Variants in PRKCQ observed in about 807,000 individuals in gnomAD.
The protein encoded by PRKCQ is protein kinase C theta type.
PRKCQ carries 41 observed loss-of-function variants against 91.2 expected under a neutral mutation model. That is an observed-to-expected ratio of 0.45 (90% CI 0.35 to 0.58). PRKCQ has a LOEUF of 0.58. Among genes scored for constraint, PRKCQ ranks in the 20% least tolerant of loss-of-function variants. The probability of loss-of-function intolerance (pLI) is 0.00; values close to 1 mark genes in which losing one functional copy is unlikely to be tolerated. For missense variants in PRKCQ, 673 were observed against 896.5 expected (o/e 0.75, Z 3.18); for synonymous variants, 307 against 316.9 (o/e 0.97, Z 0.33).
intron 1 of PRKCQ, among the ~76,000 whole-genome samples, chr10:6,555,358 T>C (rs906504798): frequency 6.6e-6 from 1 of 152,218 alleles, no homozygotes; most frequent in African/African-American, 2.4e-5. Flanking sequence ...AGACTGGTTA[T>C]TTGTATACAT....
chr10:6,519,099 G>A (rs80183030), intron 1 of PRKCQ, among the ~76,000 whole-genome samples: 3,495 of 152,288 alleles, frequency 0.023, 125 homozygotes, highest in African/African-American at 0.08. Context: ...AAGAAGATGT[G>A]TAATGAATAC....
At position 6,456,741 on chromosome 10, in the gene PRKCQ, T is replaced by G; in HGVS notation, c.1580A>C (p.Lys527Thr). The change falls in exon 15 of 18, where the codon AAG becomes ACG. Residue 527 changes from lysine to threonine, a missense_variant. Transcript: ENST00000263125. Reference protein sequence around the residue: ...HIKIADFGMCKENMLGDAKTN... With the variant: ...HIKIADFGMCTENMLGDAKTN... ...CTTGGCATCTCCTAACATGTTCTCCTTGCACATTCCAAAATCCGCGATCTT... is the reference window on the plus strand; with the variant it reads ...CTTGGCATCTCCTAACATGTTCTCCGTGCACATTCCAAAATCCGCGATCTT... 6.2e-7 allele frequency: 1 copy of G among 1,614,194 alleles called. No homozygotes were observed. Among genetic ancestry groups the G allele is most frequent in the Non-Finnish European group, 8.5e-7 (1 of 1,180,018 alleles).
chr10:6,547,971 G>T (rs1280425896), intron 1 of PRKCQ, among the ~76,000 whole-genome samples: 1 of 149,620 alleles, frequency 6.7e-6, no homozygotes, highest in Non-Finnish European at 1.5e-5. Context: ...GAAAATTTTC[G>T]CAACCTACTC....
At chr10:6,463,257 T>C (rs753673184) in intron 13 of PRKCQ, among the ~76,000 whole-genome samples, 3 of 152,176 alleles carry the variant, frequency 2.0e-5, no homozygotes, top group Non-Finnish European at 4.4e-5. Flanking sequence ...GTTTACCCCA[T>C]CACTGGTGGG....
At chr10:6,422,203 A>G (rs1042382354), downstream of PRKCQ, among the ~76,000 whole-genome samples, 1 of 152,240 alleles carries the variant, frequency 6.6e-6, no homozygotes, top group Non-Finnish European at 1.5e-5. Flanking sequence ...TACCTATTCC[A>G]CATTAGGTAC....
chr10:6,444,992 C>T (rs552826014), intron 15 of PRKCQ, among the ~76,000 whole-genome samples: 98 of 151,924 alleles, frequency 6.5e-4, no homozygotes, highest in South Asian at 1.9e-3. Flanking sequence ...GGTGTGGTGG[C>T]GCACGCCTGT....
intron 1 of PRKCQ, among the ~76,000 whole-genome samples, chr10:6,516,632 T>C (rs1838770489): frequency 6.6e-6 from 1 of 152,178 alleles, no homozygotes; most frequent in Non-Finnish European, 1.5e-5. Context: ...CTAAGAATCA[T>C]CTTCAGTTAC....
In PRKCQ at chr10:6,440,650, C is replaced by T. The variant is rs1186460809; in HGVS notation, c.1836+1243G>A. Among the ~76,000 whole-genome samples, 3 of 152,058 alleles carry T rather than the reference C, an allele frequency of 2.0e-5. No individual in the cohort carries two copies. The East Asian group carries it at 5.8e-4, about 29-fold the overall frequency. On this transcript the variant is annotated intron_variant, in intron 16 of 17. Coordinates refer to ENST00000263125, the MANE Select transcript of PRKCQ (RefSeq NM_006257.5). ...AGTGAGCAGCTGCCAATCACGAGCTCTGAGCAGAGGAAAGGAAGCAGGAGT... is the reference window on the plus strand; with the variant it reads ...AGTGAGCAGCTGCCAATCACGAGCTTTGAGCAGAGGAAAGGAAGCAGGAGT...
chr10:6,505,542 TTTC>T (rs1183556590), intron 4 of PRKCQ, among the ~76,000 whole-genome samples: 2 of 147,166 alleles, frequency 1.4e-5, no homozygotes, highest in Non-Finnish European at 3.0e-5. Flanking sequence ...TTTTCTTTCT[TTTC>T]TTCTTTCTTT....
chr10:6,576,336 G>A lies in PRKCQ; in HGVS notation c.-10+3875C>T, dbSNP rs1048557289. Among the ~76,000 whole-genome samples, 2 of 152,196 alleles carry A rather than the reference G, an allele frequency of 1.3e-5. No homozygotes were observed. Among genetic ancestry groups the A allele is most frequent in the Admixed American group, 1.3e-4 (2 of 15,280 alleles). On this transcript the variant is annotated intron_variant, in intron 1 of 17. Coordinates refer to ENST00000263125, the MANE Select transcript of PRKCQ (RefSeq NM_006257.5). This position sits in a 1 kb window ranked among gnomAD's most constrained non-coding sequence, Gnocchi z 4.2. ...CAGATACAAGGATAAGCAAAATGTGGTATATCCATAAATGGAATAGTATTC... is the reference window on the plus strand; with the variant it reads ...CAGATACAAGGATAAGCAAAATGTGATATATCCATAAATGGAATAGTATTC...
At chr10:6,418,394 G>T in the PRKCQ span, among the ~76,000 whole-genome samples, 1 of 152,142 alleles carries the variant, frequency 6.6e-6, no homozygotes, top group Non-Finnish European at 1.5e-5. Flanking sequence ...AGTCTGGGCC[G>T]GCTCTGACGT....
chr10:6,426,660 T>C (rs4750438), downstream of PRKCQ, among the ~76,000 whole-genome samples: 59,719 of 152,128 alleles, frequency 0.39, 13,722 homozygotes, highest in East Asian at 0.76. Flanking sequence ...CAGGAAAATG[T>C]TCCAGCACAC....
chr10:6,462,479 C>T (rs1835405535), intron 13 of PRKCQ, 114 bp from the exon 14 acceptor site: 3 of 833,344 alleles, frequency 3.6e-6, no homozygotes, highest in Admixed American at 4.5e-5. Context: ...GGCATACACA[C>T]ATAACTCTGT....
At chr10:6,460,246 G>A (rs763288046) in intron 14 of PRKCQ, among the ~76,000 whole-genome samples, 15 of 150,822 alleles carry the variant, frequency 9.9e-5, no homozygotes, top group Non-Finnish European at 1.9e-4. Flanking sequence ...GGTAAGACTC[G>A]AAAATGGGTA....
intron 15 of PRKCQ, among the ~76,000 whole-genome samples, chr10:6,447,138 G>A (rs1394689816): frequency 6.6e-6 from 1 of 152,198 alleles, no homozygotes; most frequent in Non-Finnish European, 1.5e-5. Context: ...GCTGGGCGCA[G>A]TGGCTCACAC....
chr10:6,555,963 C>T lies in PRKCQ; in HGVS notation c.-10+24248G>A, dbSNP rs147146496. On this transcript the variant is annotated intron_variant, in intron 1 of 17. Coordinates refer to ENST00000263125, the MANE Select transcript of PRKCQ (RefSeq NM_006257.5). ...GGCAGAGGTTGCAGTGAGCTGAGATCGTGCCACTGCACTGAAGCCTGGGTA... is the reference window on the plus strand; with the variant it reads ...GGCAGAGGTTGCAGTGAGCTGAGATTGTGCCACTGCACTGAAGCCTGGGTA... Among the ~76,000 whole-genome samples the T allele has an allele frequency of 4.0e-3, 616 of 152,222 alleles. 1 individual carries two copies. Among genetic ancestry groups the T allele is most frequent in the Non-Finnish European group, 6.8e-3 (463 of 68,022 alleles).
chr10:6,559,105 T>C (rs1379079654), intron 1 of PRKCQ, among the ~76,000 whole-genome samples: 1 of 152,136 alleles, frequency 6.6e-6, no homozygotes, highest in Non-Finnish European at 1.5e-5. Flanking sequence ...CAATAAAAAG[T>C]TAAGGTTTAA....
intron 1 of PRKCQ, among the ~76,000 whole-genome samples, chr10:6,548,192 C>T (rs1390053834): frequency 2.0e-5 from 3 of 150,666 alleles, no homozygotes; most frequent in African/African-American, 4.8e-5. Flanking sequence ...GATACCATCT[C>T]ACACCAGTTA....
chr10:6,469,445 G>A (rs368873071), intron 12 of PRKCQ, among the ~76,000 whole-genome samples: 11 of 152,268 alleles, frequency 7.2e-5, no homozygotes, highest in African/African-American at 2.4e-4. Context: ...GAACAGAGAC[G>A]ACCTCTTGGC....
Sources: allele counts gnomAD v4.1 joint callset (sites outside exome capture counted in the v4.1 genomes callset), GRCh38; gene constraint gnomAD v4.1.1; non-coding constraint Gnocchi (gnomAD v3.1); transcripts MANE v1.5; gene names NCBI Gene and HGNC (gene_info 2026-07-23, HGNC 2026-07-21).